Variants in OVOL2 observed in about 807,000 individuals in gnomAD.
OVOL2 encodes transcription factor Ovo-like 2.
Under a neutral mutation model 18.1 loss-of-function variants are expected in OVOL2, and 13 were observed. The ratio of observed to expected loss-of-function variants is 0.72; its 90% confidence interval spans 0.47 to 1.14. The LOEUF (loss-of-function observed/expected upper bound fraction) is 1.14. Ranked by LOEUF, OVOL2 falls within the 50% of genes most tolerant of loss-of-function variation. The probability of loss-of-function intolerance (pLI) is 0.00; values close to 1 mark genes in which losing one functional copy is unlikely to be tolerated. For synonymous variants in OVOL2, 166 were observed against 162.7 expected, an observed-to-expected ratio of 1.02 and a Z score of -0.16; for missense variants, 335 against 383.0, an observed-to-expected ratio of 0.87 and a Z score of 1.05.
At chr20:18,058,719 C>T (rs1364751162), upstream of OVOL2, among the ~76,000 whole-genome samples, 5 of 152,242 alleles carry the variant, frequency 3.3e-5, no homozygotes, top group Admixed American at 2.6e-4. Flanking sequence ...AGGAAGCTAG[C>T]ATAGTGAACA....
intron 3 of OVOL2, among the ~76,000 whole-genome samples, chr20:18,035,302 T>C (rs1341754681): frequency 6.6e-6 from 1 of 151,998 alleles, no homozygotes; most frequent in Non-Finnish European, 1.5e-5. Flanking sequence ...AATACAAAAA[T>C]TAGCCAGGCG....
intron 3 of OVOL2, among the ~76,000 whole-genome samples, chr20:18,036,364 G>A: frequency 6.6e-6 from 1 of 152,028 alleles, no homozygotes; most frequent in East Asian, 1.9e-4. Context: ...GAAACTTAGT[G>A]TCTCTTTTGC....
chr20:18,026,207 T>C (rs1277172175), intron 3 of OVOL2, among the ~76,000 whole-genome samples: 3 of 152,150 alleles, frequency 2.0e-5, no homozygotes, highest in African/African-American at 4.8e-5. Flanking sequence ...GAATGTCAGA[T>C]AAAGAATATA....
chr20:18,041,690 GA>G lies in OVOL2; in HGVS notation c.354del (p.His119ThrfsTer16). 1.2e-6 allele frequency: 2 copies of G among 1,613,766 alleles called. No individual in the cohort carries two copies. The highest frequency in any genetic ancestry group is 1.7e-6 in the Non-Finnish European group (2 of 1,179,860). On this transcript the variant is annotated frameshift_variant, in exon 3 of 4. Transcript: ENST00000278780. LOFTEE classifies it high-confidence loss of function. The part of the protein sequence containing the change: ...FTTGTCSDSV[V>X]HSCDLCGKGF... ...CCCTTGCCACACAGGTCACAGCTGT[GA>G]ACCACCGAGTCGCTGCACGTGCCTG... is the stretch of plus-strand genomic sequence containing the variant.
intron 3 of OVOL2, among the ~76,000 whole-genome samples, chr20:18,039,586 T>G (rs1227296504): frequency 8.0e-6 from 1 of 125,524 alleles, no homozygotes; most frequent in East Asian, 2.1e-4. Flanking sequence ...CCAGCCTGGG[T>G]GAGAGAGCAA....
intron 2 of OVOL2, among the ~76,000 whole-genome samples, chr20:18,051,910 AT>A (rs962388839): frequency 1.3e-5 from 2 of 151,048 alleles, no homozygotes; most frequent in Middle Eastern, 3.4e-3. Flanking sequence ...TTTTTTTTGT[AT>A]TTTTTTTTAA....
In OVOL2 at chr20:18,056,960, T is replaced by A. The variant is rs942535630; in HGVS notation, c.101-83A>T. The A allele has an allele frequency of 1.2e-5, 16 of 1,365,934 alleles. No individual in the cohort carries two copies. In the Admixed American group the frequency reaches 5.9e-4, roughly 51 times the overall value. The allele number at this position is 1,365,934 out of a possible 1,614,324, so 84.6% of individuals were successfully genotyped here. ...CGGCAGTTTGACCTGCGGGCGGTGC[T>A]GCCGCCGCCCCGCCCCGGACCTGGG... On this transcript the variant is annotated intron_variant, in intron 1 of 3. Coordinates refer to ENST00000278780, the MANE Select transcript of OVOL2 (RefSeq NM_021220.4). This position sits in a 1 kb window ranked among gnomAD's most constrained non-coding sequence, Gnocchi z 4.2.
chr20:18,026,501 C>T (rs2036517911), intron 3 of OVOL2, among the ~76,000 whole-genome samples: 1 of 151,762 alleles, frequency 6.6e-6, no homozygotes, highest in African/African-American at 2.4e-5. Flanking sequence ...CCTGCCTCAG[C>T]CTCCCGAGTA....
At chr20:18,045,011 G>A (rs2036712514) in intron 2 of OVOL2, among the ~76,000 whole-genome samples, 1 of 152,138 alleles carries the variant, frequency 6.6e-6, no homozygotes, top group African/African-American at 2.4e-5. Context: ...GGAGCCACTG[G>A]AAGACAAAGG....
intron 2 of OVOL2, among the ~76,000 whole-genome samples, chr20:18,049,689 A>G (rs1454968387): frequency 6.6e-6 from 1 of 152,178 alleles, no homozygotes; most frequent in Non-Finnish European, 1.5e-5. Flanking sequence ...AGGCCCAAAG[A>G]GATATGACTT....
intron 2 of OVOL2, among the ~76,000 whole-genome samples, chr20:18,045,257 T>C (rs954776830): frequency 6.6e-6 from 1 of 152,216 alleles, no homozygotes; most frequent in Non-Finnish European, 1.5e-5. Flanking sequence ...AAAGACCAAG[T>C]GTGCACAAGC....
Position 18,056,592 on chromosome 20 carries a change from C to G in OVOL2, c.321+65G>C, listed in dbSNP as rs899196444. The G allele has an allele frequency of 3.0e-5, 39 of 1,300,052 alleles. No homozygotes were observed. The highest frequency in any genetic ancestry group is 1.9e-4 in the East Asian group (6 of 31,710). 80.5% of individuals were successfully genotyped at this position (1,300,052 alleles called of 1,614,324 possible). On this transcript the variant is annotated intron_variant, in intron 2 of 3. Transcript: ENST00000278780. The surrounding 1 kb of genome is among the most constrained non-coding windows in gnomAD (Gnocchi z 4.2). The stretch of plus-strand genomic sequence containing the variant: ...AGGCGGGCGCGGCAGGGAGGGGCGC[C>G]GGCCTCGGGAGCCCGACGCCAGGGC...
chr20:18,050,050 T>C (rs577201317), intron 2 of OVOL2, among the ~76,000 whole-genome samples: 7 of 152,278 alleles, frequency 4.6e-5, no homozygotes, highest in Admixed American at 1.3e-4. Flanking sequence ...GCTTAATTTT[T>C]CTCACCCTGA....
At chr20:18,040,032 C>T (rs150934214) in intron 3 of OVOL2, among the ~76,000 whole-genome samples, 118 of 152,236 alleles carry the variant, frequency 7.8e-4, no homozygotes, top group African/African-American at 2.6e-3. Flanking sequence ...TCAAGCGATC[C>T]TCCAGCCTCA....
intron 3 of OVOL2, among the ~76,000 whole-genome samples, chr20:18,033,649 C>T (rs916604382): frequency 6.6e-6 from 1 of 152,198 alleles, no homozygotes; most frequent in East Asian, 1.9e-4. Context: ...CGGGCACTTC[C>T]GAAGCAATAG....
At chr20:18,030,770 G>A (rs1300237093) in intron 3 of OVOL2, among the ~76,000 whole-genome samples, 1 of 152,212 alleles carries the variant, frequency 6.6e-6, no homozygotes, top group Non-Finnish European at 1.5e-5. Context: ...TCCAGTTATG[G>A]CACTTCTGAC....
At chr20:18,051,260 A>T (rs1011577638) in intron 2 of OVOL2, among the ~76,000 whole-genome samples, 1 of 152,072 alleles carries the variant, frequency 6.6e-6, no homozygotes, top group Non-Finnish European at 1.5e-5. Context: ...ATTAGCCATC[A>T]ATGGAGAATT....
chr20:18,044,011 C>T (rs550781949), intron 2 of OVOL2, among the ~76,000 whole-genome samples: 2 of 152,232 alleles, frequency 1.3e-5, no homozygotes, highest in East Asian at 3.9e-4. Flanking sequence ...TATTGCCCTC[C>T]CAGGACTCAA....
intron 2 of OVOL2, among the ~76,000 whole-genome samples, chr20:18,043,462 G>T (rs1052447907): frequency 3.3e-5 from 5 of 152,152 alleles, no homozygotes; most frequent in Non-Finnish European, 7.3e-5. Flanking sequence ...GCCCAAGCTA[G>T]CCATGTGGAC....
Sources: gnomAD v4.1 joint callset for allele counts (sites outside exome capture counted in the v4.1 genomes callset) on GRCh38, gnomAD v4.1.1 for gene constraint, Gnocchi (gnomAD v3.1) non-coding constraint, MANE v1.5 for transcripts, NCBI Gene and HGNC (gene_info 2026-07-23, HGNC 2026-07-21) for gene names.